The following NLRP11 variants were observed in gnomAD, a reference collection of about 807,000 sequenced individuals.
NLRP11 encodes the protein NACHT, LRR and PYD domains-containing protein 11.
NLRP11 carries 53 observed loss-of-function variants against 79.3 expected under a neutral mutation model. The observed-to-expected ratio is 0.67, with a 90% CI of 0.54 to 0.84. NLRP11 has a LOEUF of 0.84. Among genes scored for constraint, NLRP11 ranks in the 40% least tolerant of loss-of-function variants. NLRP11 has a pLI of 0.00. For missense variants in NLRP11, 1,264 were observed against 1,255.0 expected (o/e 1.01, Z -0.11); for synonymous variants, 518 against 462.6 (o/e 1.12, Z -1.54).
At chr19:55,813,281 T>C (rs1980781510) in intron 2 of NLRP11, among the ~76,000 whole-genome samples, 1 of 152,100 alleles carries the variant, frequency 6.6e-6, no homozygotes, top group Admixed American at 6.5e-5. Flanking sequence ...TGAGCCAAGA[T>C]TGCACCACTG....
intron 5 of NLRP11, chr19:55,798,267 G>A (rs1318981665): frequency 2.1e-6 from 2 of 959,074 alleles, no homozygotes; most frequent in Non-Finnish European, 2.5e-6. Context: ...CAAAGTGTTG[G>A]GATTCCAGGC....
intron 5 of NLRP11, 76 bp from the exon 6 acceptor site, chr19:55,796,326 A>G: frequency 5.7e-6 from 7 of 1,233,760 alleles, no homozygotes; most frequent in Non-Finnish European, 5.6e-6. Context: ...AAAAAAAAAA[A>G]AAGAGAGACC....
exon 3 of NLRP11, chr19:55,808,911 C>G (rs370662595): frequency 1.2e-6 from 2 of 1,614,068 alleles, no homozygotes; most frequent in Non-Finnish European, 1.7e-6. Flanking sequence ...ACTGTAACCT[C>G]CATGAGAGCA....
At position 55,810,416 on chromosome 19, in the gene NLRP11, T is replaced by C. The variant is rs1390892584; in HGVS notation, c.272-78A>G. 5 of 1,314,076 alleles carry C rather than the reference T, an allele frequency of 3.8e-6. No individual in the cohort carries two copies. In the African/African-American group the frequency reaches 7.4e-5, roughly 19 times the overall value. The allele number at this position is 1,314,076 out of a possible 1,614,324, so 81.4% of individuals were successfully genotyped here. On this transcript the variant is annotated intron_variant, in intron 2 of 9. Coordinates refer to ENST00000589093, the Ensembl canonical transcript of NLRP11. ...ATGTAAAAACAGTTTTAGCTTCTTT[T>C]CATGTTTACAGTAAAAATATAGTAG... is the stretch of plus-strand genomic sequence containing the variant.
intron 4 of NLRP11, among the ~76,000 whole-genome samples, chr19:55,806,125 A>G (rs577469976): frequency 3.9e-5 from 6 of 152,182 alleles, no homozygotes; most frequent in East Asian, 3.9e-4. Context: ...TTTCTCCCCA[A>G]TCACTTTATG....
intron 7 of NLRP11, among the ~76,000 whole-genome samples, chr19:55,790,543 C>T (rs1990173872): frequency 6.6e-6 from 1 of 152,204 alleles, no homozygotes; most frequent in African/African-American, 2.4e-5. Flanking sequence ...GATATTTATT[C>T]TGTTCACTGA....
chr19:55,810,913 G>T (rs1203636764), intron 2 of NLRP11, among the ~76,000 whole-genome samples: 1 of 152,180 alleles, frequency 6.6e-6, no homozygotes, highest in African/African-American at 2.4e-5. Flanking sequence ...TCATGTCTTG[G>T]CATCAAGAAC....
At chr19:55,787,726 ACT>A (rs1989969208) in intron 9 of NLRP11, among the ~76,000 whole-genome samples, 1 of 151,894 alleles carries the variant, frequency 6.6e-6, no homozygotes. Flanking sequence ...TTGCTAACAA[ACT>A]CTATTGCCTT....
At position 55,809,340 on chromosome 19, in the gene NLRP11, C is replaced by T. The variant is rs779883442; in HGVS notation, c.1270G>A (p.Glu424Lys). The T allele has an allele frequency of 9.3e-6, 15 of 1,614,044 alleles. No individual in the cohort carries two copies. Among genetic ancestry groups the T allele is most frequent in the Middle Eastern group, 1.6e-4 (1 of 6,084 alleles). Residue 424 changes from glutamate (E) to lysine (K), a missense_variant, in exon 3 of 10, where the codon GAG becomes AAG. Coordinates refer to ENST00000589093, the Ensembl canonical transcript of NLRP11. The surrounding 1 kb of genome is among the most constrained non-coding windows in gnomAD (Gnocchi z 4.5). ...GCCTGCAACACAGAGACATCAGCCT[C>T]AGTAAACCCAACACATCTGAGGTCT...
At chr19:55,797,937 G>C (rs1470612750) in intron 5 of NLRP11, among the ~76,000 whole-genome samples, 2 of 152,122 alleles carry the variant, frequency 1.3e-5, no homozygotes, top group Non-Finnish European at 2.9e-5. Context: ...ACATAAACAG[G>C]AGATGGGGAG....
intron 2 of NLRP11, among the ~76,000 whole-genome samples, chr19:55,810,717 C>T (rs867709696): frequency 9.2e-5 from 14 of 152,168 alleles, no homozygotes; most frequent in Non-Finnish European, 1.5e-4. Flanking sequence ...AGGCTGGTTT[C>T]GAACTCCTGG....
At chr19:55,786,559 C>T (rs973825981) in intron 9 of NLRP11, among the ~76,000 whole-genome samples, 10 of 152,082 alleles carry the variant, frequency 6.6e-5, no homozygotes, top group Non-Finnish European at 1.3e-4. Flanking sequence ...AACAGAGGCA[C>T]ACTTACACCG....
Position 55,788,566 on chromosome 19 carries a change from C to T in NLRP11, c.2855+241G>A, listed in dbSNP as rs144601354. ...CCACCCTGGCCAACATGGTGAAACC[C>T]CGTCTCTACTAAAAATAGAAAAAAT... On this transcript the variant is annotated intron_variant, in intron 9 of 9. Coordinates refer to ENST00000589093, the Ensembl canonical transcript of NLRP11. Among the ~76,000 whole-genome samples the T allele has an allele frequency of 3.9e-3, 596 of 151,328 alleles. 4 individuals carry two copies. The highest frequency in any genetic ancestry group is 0.013 in the African/African-American group (543 of 41,214).
intron 5 of NLRP11, 32 bp from the exon 6 acceptor site, chr19:55,796,282 TC>T: frequency 6.5e-7 from 1 of 1,548,254 alleles, no homozygotes; most frequent in African/African-American, 1.4e-5. Context: ...GAAAAGAGGC[TC>T]CCGCGTTTAA....
At chr19:55,820,552 C>T (rs184974022) in intron 1 of NLRP11, among the ~76,000 whole-genome samples, 70 of 152,238 alleles carry the variant, frequency 4.6e-4, no homozygotes, top group African/African-American at 1.6e-3. Flanking sequence ...AGTTCCTAAA[C>T]CTAAGCTGGA....
chr19:55,791,848 C>A (rs1034201816), intron 7 of NLRP11, among the ~76,000 whole-genome samples: 7 of 152,132 alleles, frequency 4.6e-5, no homozygotes, highest in Admixed American at 2.0e-4. Flanking sequence ...TTGGTAGGTA[C>A]CAGTGGCTTG....
chr19:55,812,109 G>C (rs976746732), intron 2 of NLRP11, among the ~76,000 whole-genome samples: 1 of 151,428 alleles, frequency 6.6e-6, no homozygotes, highest in Admixed American at 6.7e-5. Context: ...ATAACTATTT[G>C]TCAAAAGTAA....
intron 2 of NLRP11, among the ~76,000 whole-genome samples, chr19:55,816,543 G>A (rs1318986840): frequency 6.6e-6 from 1 of 152,104 alleles, no homozygotes; most frequent in African/African-American, 2.4e-5. Flanking sequence ...GAGATGTTCG[G>A]GAGGGACTAA....
At chr19:55,829,200 AT>A (rs59415251) in intron 1 of NLRP11, among the ~76,000 whole-genome samples, 25,551 of 147,742 alleles carry the variant, frequency 0.17, 2,520 homozygotes, top group Middle Eastern at 0.29. Context: ...ACAATATTGC[AT>A]TTTTTTTTTT....
Sources: allele counts gnomAD v4.1 joint callset (sites outside exome capture counted in the v4.1 genomes callset), GRCh38; gene constraint gnomAD v4.1.1; non-coding constraint Gnocchi (gnomAD v3.1); transcripts MANE v1.5; gene names NCBI Gene and HGNC (gene_info 2026-07-23, HGNC 2026-07-21).